RBM47: variants seen among roughly 807,000 people sequenced by gnomAD.
The protein encoded by RBM47 is RNA-binding protein 47.
RBM47 carries 21 observed loss-of-function variants against 47.1 expected under a neutral mutation model. The observed-to-expected ratio is 0.45, with a 90% CI of 0.32 to 0.64. The LOEUF (loss-of-function observed/expected upper bound fraction) is 0.64. RBM47 is among the 30% of genes least tolerant of loss of function. The pLI is 0.05. For synonymous variants in RBM47, 375 were observed against 361.7 expected, an observed-to-expected ratio of 1.04 and a Z score of -0.42; for missense variants, 708 against 870.9, an observed-to-expected ratio of 0.81 and a Z score of 2.35.
In RBM47 at chr4:40,531,877, C is replaced by T. The variant is rs534316700; in HGVS notation, c.-155+12545G>A. ...GAAGAGGAAAGGCCGTGAAAGATATCGTTAAGTGAGGCAGGGGGGTGAGGA... is the reference window on the plus strand; with the variant it reads ...GAAGAGGAAAGGCCGTGAAAGATATTGTTAAGTGAGGCAGGGGGGTGAGGA... On this transcript the variant is annotated intron_variant, in intron 2 of 6. Transcript: ENST00000295971. Among the ~76,000 whole-genome samples the T allele has an allele frequency of 1.4e-4, 22 of 152,122 alleles. 1 individual carries two copies. The highest frequency in any genetic ancestry group is 1.4e-3 in the Admixed American group (22 of 15,246).
intron 2 of RBM47, among the ~76,000 whole-genome samples, chr4:40,478,475 A>G (rs1304810637): frequency 6.6e-6 from 1 of 152,198 alleles, no homozygotes; most frequent in Non-Finnish European, 1.5e-5. Context: ...TACAGACGCA[A>G]AACAGAAGCC....
At chr4:40,593,591 C>G (rs1284604119) in intron 1 of RBM47, among the ~76,000 whole-genome samples, 9 of 152,086 alleles carry the variant, frequency 5.9e-5, no homozygotes, top group African/African-American at 2.2e-4. Flanking sequence ...CAAAAATTAG[C>G]TGGACACAGC....
chr4:40,480,445 T>TA (rs1720229793), intron 2 of RBM47, among the ~76,000 whole-genome samples: 2 of 152,158 alleles, frequency 1.3e-5, no homozygotes, highest in Non-Finnish European at 2.9e-5. Context: ...TCCTCCTAAT[T>TA]AGCTACCTCT....
upstream of RBM47, chr4:40,630,455 G>T (rs1181728421): frequency 1.3e-5 from 2 of 152,206 alleles, no homozygotes; most frequent in African/African-American, 4.8e-5. Context: ...CTCCCGGGGC[G>T]TCCTTACCTG....
intron 2 of RBM47, among the ~76,000 whole-genome samples, chr4:40,503,048 C>G (rs2154250709): frequency 6.6e-6 from 1 of 150,854 alleles, no homozygotes; most frequent in Middle Eastern, 3.4e-3. Context: ...CCTGGACAGA[C>G]AGAGGACAGT....
In RBM47 at chr4:40,432,705, GGCC is replaced by G. The variant is rs750942039; in HGVS notation, c.1485_1487del (p.Ala502del). 38 of 1,591,162 alleles carry G rather than the reference GGCC, an allele frequency of 2.4e-5. No homozygotes were observed. Among genetic ancestry groups the G allele is most frequent in the Non-Finnish European group, 3.2e-5 (37 of 1,165,272 alleles). On this transcript the variant is annotated inframe_deletion, in exon 6 of 7. Transcript: ENST00000295971. Reference sequence around the variant, plus strand: ...GAATGACAGCGGCTGCGGCGGCTGCGGCCGCGGCTGCGGCGGCAGCAGCACTGG... The same window carrying G: ...GAATGACAGCGGCTGCGGCGGCTGCGGCGGCTGCGGCGGCAGCAGCACTGG...
chr4:40,611,762 C>A (rs1159658936), intron 1 of RBM47, among the ~76,000 whole-genome samples: 1 of 149,898 alleles, frequency 6.7e-6, no homozygotes, highest in Non-Finnish European at 1.5e-5. Context: ...ACAAAAAAAA[C>A]CACCCACATA....
intron 1 of RBM47, among the ~76,000 whole-genome samples, chr4:40,629,084 G>A (rs1737995794): frequency 6.6e-6 from 1 of 151,762 alleles, no homozygotes; most frequent in Non-Finnish European, 1.5e-5. Context: ...GCTTCTGGGC[G>A]GTCCAATCAT....
At chr4:40,535,135 G>C (rs950674615) in intron 2 of RBM47, among the ~76,000 whole-genome samples, 1 of 152,040 alleles carries the variant, frequency 6.6e-6, no homozygotes, top group African/African-American at 2.4e-5. Context: ...AAGTAAAACT[G>C]ATAATACAAG....
At chr4:40,486,328 T>C (rs972770637) in intron 2 of RBM47, among the ~76,000 whole-genome samples, 1 of 152,162 alleles carries the variant, frequency 6.6e-6, no homozygotes, top group Non-Finnish European at 1.5e-5. Context: ...AGTGCTTCCG[T>C]ATCAACAAAA....
At chr4:40,519,284 T>C (rs1403280786) in intron 2 of RBM47, among the ~76,000 whole-genome samples, 1 of 148,020 alleles carries the variant, frequency 6.8e-6, no homozygotes, top group Non-Finnish European at 1.5e-5. Flanking sequence ...TTCAACTGTT[T>C]TTCTCCTTCA....
chr4:40,442,289 CATACCA>C (rs1189195829), intron 3 of RBM47, among the ~76,000 whole-genome samples: 1 of 152,172 alleles, frequency 6.6e-6, no homozygotes, highest in East Asian at 1.9e-4. Flanking sequence ...ACAAGTATTG[CATACCA>C]ACAAGTGAGA....
chr4:40,496,962 A>T (rs932104098), intron 2 of RBM47, among the ~76,000 whole-genome samples: 1 of 150,258 alleles, frequency 6.7e-6, no homozygotes, highest in Non-Finnish European at 1.5e-5. Context: ...AATCACTTGA[A>T]CCTGGGAGGC....
At chr4:40,515,026 A>G (rs935709806) in intron 2 of RBM47, among the ~76,000 whole-genome samples, 3 of 152,224 alleles carry the variant, frequency 2.0e-5, no homozygotes, top group African/African-American at 7.2e-5. Context: ...TTTATCAGAG[A>G]AAATGCAACT....
At chr4:40,465,810 G>A (rs1717927297) in intron 3 of RBM47, among the ~76,000 whole-genome samples, 1 of 152,108 alleles carries the variant, frequency 6.6e-6, no homozygotes, top group African/African-American at 2.4e-5. Context: ...TCATGAATTG[G>A]GATGACAGTT....
intron 1 of RBM47, among the ~76,000 whole-genome samples, chr4:40,560,783 G>T (rs1196298725): frequency 5.9e-5 from 9 of 152,090 alleles, no homozygotes; most frequent in Admixed American, 5.2e-4. Flanking sequence ...TGGCCAAAAT[G>T]GTGAAACCCC....
chr4:40,614,159 T>C (rs1736488812), intron 1 of RBM47, among the ~76,000 whole-genome samples: 1 of 152,146 alleles, frequency 6.6e-6, no homozygotes, highest in African/African-American at 2.4e-5. Context: ...TGTAAGAACT[T>C]TGTAAGATTT....
chr4:40,572,906 CT>C (rs1319371848), intron 1 of RBM47, among the ~76,000 whole-genome samples: 18 of 151,686 alleles, frequency 1.2e-4, no homozygotes, highest in Admixed American at 1.2e-3. Flanking sequence ...AATCACAACA[CT>C]TTGGGAGGCC....
At chr4:40,505,889 A>G (rs1204339973) in intron 2 of RBM47, among the ~76,000 whole-genome samples, 4 of 69,626 alleles carry the variant, frequency 5.7e-5, no homozygotes, top group African/African-American at 3.1e-4. Context: ...TCTGTCTCAA[A>G]AAAAACAAAA....
Sources: allele counts gnomAD v4.1 joint callset (sites outside exome capture counted in the v4.1 genomes callset), GRCh38; gene constraint gnomAD v4.1.1; transcripts MANE v1.5; gene names NCBI Gene and HGNC (gene_info 2026-07-23, HGNC 2026-07-21).